Variants in TRIM44 observed in about 807,000 individuals in gnomAD.
TRIM44 encodes the protein tripartite motif-containing protein 44.
In TRIM44, 13 loss-of-function variants were observed where a neutral mutation model predicts 37.4. That is an observed-to-expected ratio of 0.35 (90% CI 0.23 to 0.55). The LOEUF is 0.55. Among genes scored for constraint, TRIM44 ranks in the 20% least tolerant of loss-of-function variants. The pLI, the probability that TRIM44 is intolerant of heterozygous loss-of-function variation, is 0.89. For missense variants in TRIM44, 426 were observed against 437.2 expected (o/e 0.97, Z 0.23); for synonymous variants, 175 against 157.2 (o/e 1.11, Z -0.85).
At chr11:35,722,889 G>T (rs145421997) in intron 2 of TRIM44, among the ~76,000 whole-genome samples, 1 of 152,246 alleles carries the variant, frequency 6.6e-6, no homozygotes, top group African/African-American at 2.4e-5. Context: ...GAAATATTCA[G>T]TGTAGATTTG....
chr11:35,747,886 G>A (rs956398041), intron 4 of TRIM44, among the ~76,000 whole-genome samples: 1 of 150,792 alleles, frequency 6.6e-6, no homozygotes, highest in Non-Finnish European at 1.5e-5. Context: ...GGTACGGTGC[G>A]GGGCAGGGAG....
At chr11:35,787,259 A>G (rs1386050126) in intron 4 of TRIM44, among the ~76,000 whole-genome samples, 1 of 152,218 alleles carries the variant, frequency 6.6e-6, no homozygotes, top group African/African-American at 2.4e-5. Flanking sequence ...ACCTTGGGTC[A>G]GCCAGCGTGT....
intron 2 of TRIM44, among the ~76,000 whole-genome samples, chr11:35,696,008 G>A (rs1851693250): frequency 6.6e-6 from 1 of 151,288 alleles, no homozygotes; most frequent in African/African-American, 2.4e-5. Flanking sequence ...GGAAAGAAAA[G>A]GCAATTTTGA....
At chr11:35,775,307 A>G (rs1478279632) in intron 4 of TRIM44, among the ~76,000 whole-genome samples, 7 of 152,016 alleles carry the variant, frequency 4.6e-5, no homozygotes, top group South Asian at 2.1e-4. Context: ...TGTGATTTTT[A>G]CACATTGATT....
chr11:35,712,478 G>GC (rs1404233969), intron 2 of TRIM44, among the ~76,000 whole-genome samples: 1 of 151,948 alleles, frequency 6.6e-6, no homozygotes, highest in Non-Finnish European at 1.5e-5. Flanking sequence ...TCTTACTGGA[G>GC]CCCCAGACCT....
chr11:35,724,696 G>T (rs780839219), intron 2 of TRIM44, among the ~76,000 whole-genome samples: 3 of 152,062 alleles, frequency 2.0e-5, no homozygotes, highest in African/African-American at 4.8e-5. Flanking sequence ...GCTAGCAGTT[G>T]TATTTTCTTT....
chr11:35,705,901 T>C, intron 2 of TRIM44, among the ~76,000 whole-genome samples: 1 of 147,762 alleles, frequency 6.8e-6, no homozygotes. Flanking sequence ...AGGCAAGAAA[T>C]AACTAAAATC....
chr11:35,676,204 T>C (rs1851458929), intron 1 of TRIM44, among the ~76,000 whole-genome samples: 2 of 152,218 alleles, frequency 1.3e-5, no homozygotes, highest in Admixed American at 1.3e-4. Context: ...AGATCATAGA[T>C]GTAAAGAGTT....
chr11:35,781,034 A>G (rs926514137), intron 4 of TRIM44, among the ~76,000 whole-genome samples: 1 of 152,206 alleles, frequency 6.6e-6, no homozygotes, highest in Non-Finnish European at 1.5e-5. Flanking sequence ...TCATGTGAGA[A>G]AGCAAGTGAA....
chr11:35,795,809 T>C (rs1229096865), intron 4 of TRIM44, among the ~76,000 whole-genome samples: 1 of 152,236 alleles, frequency 6.6e-6, no homozygotes, highest in Non-Finnish European at 1.5e-5. Context: ...ACTCACTGTA[T>C]GACTTTTAGT....
At chr11:35,701,779 C>A (rs1851791858) in intron 2 of TRIM44, among the ~76,000 whole-genome samples, 1 of 152,064 alleles carries the variant, frequency 6.6e-6, no homozygotes, top group Admixed American at 6.5e-5. Context: ...CCTCAGAATT[C>A]TTTTTTTGTA....
chr11:35,676,461 C>T (rs1304982244), intron 1 of TRIM44, among the ~76,000 whole-genome samples: 1 of 152,180 alleles, frequency 6.6e-6, no homozygotes, highest in South Asian at 2.1e-4. Context: ...GGAGAAGAGG[C>T]TTCTGTATAT....
chr11:35,677,842 T>G (rs926909049), intron 1 of TRIM44, among the ~76,000 whole-genome samples: 8 of 152,156 alleles, frequency 5.3e-5, no homozygotes, highest in Admixed American at 1.3e-4. Flanking sequence ...TAATGATAAG[T>G]ACTGTGAATA....
intron 3 of TRIM44, among the ~76,000 whole-genome samples, chr11:35,727,470 C>A (rs1327405715): frequency 6.6e-6 from 1 of 152,120 alleles, no homozygotes; most frequent in Non-Finnish European, 1.5e-5. Context: ...TGTAAGAAAC[C>A]ATTGAAAGGT....
intron 4 of TRIM44, among the ~76,000 whole-genome samples, chr11:35,772,062 G>C (rs1852880144): frequency 6.6e-6 from 1 of 152,176 alleles, no homozygotes; most frequent in Non-Finnish European, 1.5e-5. Flanking sequence ...TCCAGCCATG[G>C]CTGAAAGGGG....
At chr11:35,772,782 G>C (rs1852891492) in intron 4 of TRIM44, among the ~76,000 whole-genome samples, 1 of 152,200 alleles carries the variant, frequency 6.6e-6, no homozygotes, top group African/African-American at 2.4e-5. Context: ...GAAGGGACTT[G>C]TCTTGTCTCA....
At chr11:35,676,774 C>T (rs993301400) in intron 1 of TRIM44, among the ~76,000 whole-genome samples, 5 of 152,152 alleles carry the variant, frequency 3.3e-5, no homozygotes, top group Non-Finnish European at 4.4e-5. Flanking sequence ...CTGGCAGGCT[C>T]TAACCTGTGT....
At chr11:35,803,999 A>AG (rs953445808) in intron 4 of TRIM44, among the ~76,000 whole-genome samples, 3 of 151,900 alleles carry the variant, frequency 2.0e-5, no homozygotes, top group African/African-American at 7.3e-5. Context: ...AAAAAAAAAA[A>AG]AAAAGGTTCT....
chr11:35,665,475 A>G (rs1285432721), intron 1 of TRIM44, among the ~76,000 whole-genome samples: 1 of 151,768 alleles, frequency 6.6e-6, no homozygotes, highest in East Asian at 1.9e-4. Flanking sequence ...TCCTCTGATT[A>G]CTAATGACTT....
Sources: gnomAD v4.1 joint callset for allele counts (sites outside exome capture counted in the v4.1 genomes callset) on GRCh38, gnomAD v4.1.1 for gene constraint, MANE v1.5 for transcripts, NCBI Gene and HGNC (gene_info 2026-07-23, HGNC 2026-07-21) for gene names.